The following ZBTB46 variants were observed in gnomAD, a reference collection of about 807,000 sequenced individuals.
ZBTB46 encodes the protein zinc finger and BTB domain containing 46, also known as zinc finger and BTB domain-containing protein 46.
Under a neutral mutation model 44.1 loss-of-function variants are expected in ZBTB46, and 8 were observed. That is an observed-to-expected ratio of 0.18 (90% CI 0.11 to 0.33). The LOEUF (loss-of-function observed/expected upper bound fraction) is 0.33, where lower values mean the gene tolerates loss of function less well. ZBTB46 is among the 10% of genes least tolerant of loss of function. ZBTB46 has a pLI of 1.00. For missense variants in ZBTB46, 651 were observed against 847.7 expected (o/e 0.77, Z 2.88); for synonymous variants, 409 against 382.3 (o/e 1.07, Z -0.81).
At chr20:63,772,788 AC>A (rs137913854) in intron 3 of ZBTB46, among the ~76,000 whole-genome samples, 2,981 of 149,026 alleles carry the variant, frequency 0.02, 59 homozygotes, top group Non-Finnish European at 0.034. Flanking sequence ...GTGTGCCCTC[AC>A]CCCACCTTCA....
At chr20:63,776,382 T>C (rs969284373) in intron 2 of ZBTB46, among the ~76,000 whole-genome samples, 1 of 152,226 alleles carries the variant, frequency 6.6e-6, no homozygotes, top group Non-Finnish European at 1.5e-5. Flanking sequence ...GCTAAATCTA[T>C]AAAATTCTTA....
chr20:63,778,651 T>C (rs181341240), intron 2 of ZBTB46, among the ~76,000 whole-genome samples: 177 of 152,296 alleles, frequency 1.2e-3, no homozygotes, highest in African/African-American at 4.0e-3. Flanking sequence ...GACAGTGACA[T>C]TCGGACCGTC....
chr20:63,807,223 G>A (rs1046198652), intron 1 of ZBTB46, among the ~76,000 whole-genome samples: 3 of 152,276 alleles, frequency 2.0e-5, no homozygotes, highest in East Asian at 3.8e-4. Context: ...TTTCTTTATT[G>A]AAATTGACTT....
intron 1 of ZBTB46, among the ~76,000 whole-genome samples, chr20:63,806,419 A>G (rs543594610): frequency 6.9e-6 from 1 of 145,688 alleles, no homozygotes; most frequent in African/African-American, 2.6e-5. Flanking sequence ...AAAAAAAAAA[A>G]AAAAGAAAGA....
At chr20:63,800,544 C>G (rs2092635542) in intron 1 of ZBTB46, among the ~76,000 whole-genome samples, 1 of 152,236 alleles carries the variant, frequency 6.6e-6, no homozygotes, top group South Asian at 2.1e-4. Context: ...GCTCCCTCAG[C>G]TTGCGGGGAG....
At chr20:63,771,331 C>G (rs1028529189) in intron 3 of ZBTB46, among the ~76,000 whole-genome samples, 1 of 152,102 alleles carries the variant, frequency 6.6e-6, no homozygotes, top group Non-Finnish European at 1.5e-5. Context: ...CCCCCACAGT[C>G]ACCCCCACAT....
chr20:63,813,722 C>T (rs2092731087), intron 1 of ZBTB46, among the ~76,000 whole-genome samples: 1 of 152,150 alleles, frequency 6.6e-6, no homozygotes, highest in Non-Finnish European at 1.5e-5. Flanking sequence ...AACGCAACTT[C>T]AGGGACATCA....
intron 1 of ZBTB46, among the ~76,000 whole-genome samples, chr20:63,808,336 G>C (rs1222663463): frequency 1.3e-5 from 2 of 152,216 alleles, no homozygotes; most frequent in African/African-American, 2.4e-5. Flanking sequence ...CCCTTGCCCC[G>C]GGGGCTGAGC....
At position 63,744,092 on chromosome 20, in the gene ZBTB46, T is replaced by C. The variant is rs1399002363; in HGVS notation, c.*2838A>G. On this transcript the variant is annotated 3_prime_UTR_variant, in exon 5 of 5. Coordinates refer to ENST00000245663, the MANE Select transcript of ZBTB46 (RefSeq NM_001369741.1). ...TACAAGTAGTTCTAAAAGGGCTGCA[T>C]ACAAAACACAATATAAGATCTAAAA... 6.6e-6 allele frequency: 1 copy of C among 152,380 alleles called. No homozygotes were observed. The highest frequency in any genetic ancestry group is 1.5e-5 in the Non-Finnish European group (1 of 68,030). 9.4% of individuals were successfully genotyped at this position (152,380 alleles called of 1,614,324 possible).
intron 2 of ZBTB46, among the ~76,000 whole-genome samples, chr20:63,784,077 T>C (rs1356385617): frequency 6.6e-6 from 1 of 151,696 alleles, no homozygotes; most frequent in East Asian, 1.9e-4. Flanking sequence ...GTGGTGGGGG[T>C]CCTCCTCCCC....
chr20:63,773,774 G>A (rs2092396485), intron 3 of ZBTB46, among the ~76,000 whole-genome samples: 1 of 152,188 alleles, frequency 6.6e-6, no homozygotes, highest in Admixed American at 6.5e-5. Flanking sequence ...CACCCAGCCT[G>A]TCCCTCCTGA....
At chr20:63,807,537 G>T (rs1344210296) in intron 1 of ZBTB46, among the ~76,000 whole-genome samples, 2 of 152,110 alleles carry the variant, frequency 1.3e-5, no homozygotes, top group Non-Finnish European at 2.9e-5. Context: ...TAGGAACGGG[G>T]TTTCACCATG....
At position 63,807,636 on chromosome 20, in the gene ZBTB46, C is replaced by T. The variant is rs575838801; in HGVS notation, c.-33-16846G>A. On this transcript the variant is annotated intron_variant, in intron 1 of 4. Transcript: ENST00000245663. ...TTGGGACTACAGGTGTGAGCCACCG[C>T]GCCCGGCCTTCAGCTACTCCATTTT... 1.1e-4 allele frequency among the ~76,000 whole-genome samples: 16 copies of T among 152,376 alleles called. No individual in the cohort carries two copies. In the South Asian group the frequency reaches 1.2e-3, roughly 12 times the overall value.
intron 3 of ZBTB46, among the ~76,000 whole-genome samples, chr20:63,756,321 C>T (rs1037284481): frequency 4.6e-5 from 7 of 152,216 alleles, no homozygotes; most frequent in South Asian, 2.1e-4. Context: ...TGGCTTCAGA[C>T]GGGCAGACAG....
At chr20:63,784,256 C>T (rs1325795138) in intron 2 of ZBTB46, among the ~76,000 whole-genome samples, 1 of 152,178 alleles carries the variant, frequency 6.6e-6, no homozygotes, top group African/African-American at 2.4e-5. Context: ...CCGGCCTGGT[C>T]CAAGAAGCAG....
At chr20:63,758,734 CT>C (rs34323440) in intron 3 of ZBTB46, among the ~76,000 whole-genome samples, 62,605 of 134,624 alleles carry the variant, frequency 0.47, 14,345 homozygotes, top group East Asian at 0.84. Flanking sequence ...AGAGTCACAT[CT>C]TTTTTTTTTT....
At chr20:63,772,064 G>A (rs1473951980) in intron 3 of ZBTB46, among the ~76,000 whole-genome samples, 2 of 145,496 alleles carry the variant, frequency 1.4e-5, no homozygotes, top group African/African-American at 2.6e-5. Flanking sequence ...GCATGATCTC[G>A]GCTCACGGCA....
intron 1 of ZBTB46, among the ~76,000 whole-genome samples, chr20:63,808,412 C>T (rs1360546195): frequency 6.6e-6 from 1 of 152,132 alleles, no homozygotes; most frequent in African/African-American, 2.4e-5. Flanking sequence ...GGGGCGGAAG[C>T]GGGGCCAGGG....
At chr20:63,807,330 T>C (rs2092687937) in intron 1 of ZBTB46, among the ~76,000 whole-genome samples, 1 of 152,178 alleles carries the variant, frequency 6.6e-6, no homozygotes, top group Admixed American at 6.5e-5. Context: ...TTATTTGTTA[T>C]AGGTCTATTC....
Sources: gnomAD v4.1 joint callset for allele counts (sites outside exome capture counted in the v4.1 genomes callset) on GRCh38, gnomAD v4.1.1 for gene constraint, MANE v1.5 for transcripts, NCBI Gene and HGNC (gene_info 2026-07-23, HGNC 2026-07-21) for gene names.